SERPINA5: variants seen among roughly 807,000 people sequenced by gnomAD.
SERPINA5 encodes plasma serine protease inhibitor.
Under a neutral mutation model 25.3 loss-of-function variants are expected in SERPINA5, and 25 were observed. That is an observed-to-expected ratio of 0.99 (90% CI 0.72 to 1.38). The LOEUF (loss-of-function observed/expected upper bound fraction) is 1.38. Among genes scored for constraint, SERPINA5 ranks in the 40% most tolerant of loss-of-function variants. The probability of loss-of-function intolerance (pLI) is 0.00; values close to 1 mark genes in which losing one functional copy is unlikely to be tolerated. For missense variants in SERPINA5, 599 were observed against 509.5 expected (o/e 1.18, Z -1.69); for synonymous variants, 234 against 206.2 (o/e 1.14, Z -1.16).
intron 5 of SERPINA5, 91 bp downstream of exon 5, chr14:94,590,987 T>TTCCAC (rs1885259081): frequency 1.5e-6 from 2 of 1,322,750 alleles, no homozygotes; most frequent in Non-Finnish European, 2.1e-6. Flanking sequence ...TTCCATTCCA[T>TTCCAC]TCCACTCAAC....
chr14:94,587,358 C>T lies in SERPINA5; in HGVS notation c.-5C>T. On this transcript the variant is annotated 5_prime_UTR_variant, in exon 3 of 6. Transcript: ENST00000329597. ...CTTTCCCTTTCAGAACAAAGAACAG[C>T]CACCATGCAGCTCTTCCTCCTCTTG... is the stretch of plus-strand genomic sequence containing the variant. The T allele has an allele frequency of 3.8e-6, 6 of 1,596,732 alleles. No homozygotes were observed. Among genetic ancestry groups the T allele is most frequent in the Non-Finnish European group, 5.1e-6 (6 of 1,173,202 alleles).
At chr14:94,582,615 G>A (rs1333641866) in intron 2 of SERPINA5, among the ~76,000 whole-genome samples, 3 of 150,270 alleles carry the variant, frequency 2.0e-5, no homozygotes, top group Non-Finnish European at 4.5e-5. Flanking sequence ...TGTCCAGCTT[G>A]CAGTCTAATG....
At chr14:94,582,369 G>A (rs1367270416) in intron 2 of SERPINA5, 4 of 152,198 alleles carry the variant, frequency 2.6e-5, no homozygotes, top group African/African-American at 9.7e-5. Flanking sequence ...TGGTGCTGAC[G>A]GTGATGATAA....
At chr14:94,590,426 C>A in intron 4 of SERPINA5, 115 bp downstream of exon 4, 2 of 1,316,152 alleles carry the variant, frequency 1.5e-6, no homozygotes, top group Non-Finnish European at 2.0e-6. Context: ...CAAGGAGCTG[C>A]CTCCAGGCCC....
intron 2 of SERPINA5, chr14:94,586,884 T>C (rs967488507): frequency 6.4e-6 from 1 of 156,670 alleles, no homozygotes; most frequent in Non-Finnish European, 1.4e-5. Context: ...GGCATGTAGC[T>C]GGTCTGAGTT....
At chr14:94,589,644 A>G (rs1455744866) in intron 3 of SERPINA5, among the ~76,000 whole-genome samples, 2 of 152,176 alleles carry the variant, frequency 1.3e-5, no homozygotes, top group East Asian at 3.8e-4. Context: ...AAATCAAAAT[A>G]TTGGAATGAA....
chr14:94,587,199 T>A (rs1885117849), intron 2 of SERPINA5, 147 bp from the exon 3 acceptor site: 1 of 722,422 alleles, frequency 1.4e-6, no homozygotes, highest in Middle Eastern at 4.1e-4. Context: ...GTGTAAACCC[T>A]CATGCCCAGT....
At position 94,592,233 on chromosome 14, in the gene SERPINA5, C is replaced by A; in HGVS notation, c.1215C>A (p.Arg405=). Residue 405 remains arginine, a synonymous_variant, in exon 6 of 6, where the codon CGC becomes CGA. Transcript: ENST00000329597. ...NNILFLGKVN[R]P ...TCCTCTTCCTTGGCAAAGTGAACCGCCCCTGAGGTGGGGCTTCTCCTGAAA... is the reference window on the plus strand; with the variant it reads ...TCCTCTTCCTTGGCAAAGTGAACCGACCCTGAGGTGGGGCTTCTCCTGAAA... The A allele has an allele frequency of 6.2e-7, 1 of 1,611,846 alleles. No homozygotes were observed. Among genetic ancestry groups the A allele is most frequent in the South Asian group, 1.1e-5 (1 of 90,856 alleles).
intron 4 of SERPINA5, 26 bp from the exon 5 acceptor site, chr14:94,590,723 T>C (rs1885250007): frequency 1.9e-6 from 3 of 1,610,842 alleles, no homozygotes. Flanking sequence ...CAGAACAGTC[T>C]AAGAAAGCTC....
Position 94,588,738 on chromosome 14 carries a change from T to C in SERPINA5, c.619+757T>C, listed in dbSNP as rs74322073. On this transcript the variant is annotated intron_variant, in intron 3 of 5. Coordinates refer to ENST00000329597, the MANE Select transcript of SERPINA5 (RefSeq NM_000624.6). ...TGGCTTAGCAACAACAAACATATAT[T>C]TCTCATAGTTCTGGAGGCTGAGAAG... 1.9e-3 allele frequency among the ~76,000 whole-genome samples: 288 copies of C among 152,280 alleles called. 1 individual carries two copies. The highest frequency in any genetic ancestry group is 3.5e-3 in the Admixed American group (53 of 15,310).
At chr14:94,584,535 A>C (rs1404141901) in intron 2 of SERPINA5, among the ~76,000 whole-genome samples, 1 of 151,872 alleles carries the variant, frequency 6.6e-6, no homozygotes, top group Non-Finnish European at 1.5e-5. Context: ...TCCCCATCGG[A>C]TCTCTAGTGC....
rs529104917 is a variant in SERPINA5 at position 94,591,497 on chromosome 14, C to T, written c.1039-560C>T. Among the ~76,000 whole-genome samples, 4 of 151,478 alleles carry T rather than the reference C, an allele frequency of 2.6e-5. No individual in the cohort carries two copies. The South Asian group carries it at 8.4e-4, about 32-fold the overall frequency. ...TTCTATTCCACTCCTCTCCCCTCCACTCCATTCCATTGCAGTCCACTCCAC... is the reference window on the plus strand; with the variant it reads ...TTCTATTCCACTCCTCTCCCCTCCATTCCATTCCATTGCAGTCCACTCCAC... On this transcript the variant is annotated intron_variant, in intron 5 of 5. Transcript: ENST00000329597.
At chr14:94,590,508 C>A in intron 4 of SERPINA5, 197 bp downstream of exon 4, 2 of 845,542 alleles carry the variant, frequency 2.4e-6, no homozygotes, top group South Asian at 2.1e-5. Context: ...AAACTGGGTT[C>A]CTTAGGGTGG....
chr14:94,586,461 T>C (rs1394544267), intron 2 of SERPINA5, among the ~76,000 whole-genome samples: 1 of 152,208 alleles, frequency 6.6e-6, no homozygotes, highest in Non-Finnish European at 1.5e-5. Flanking sequence ...GTCTTCCCTC[T>C]GTGCATGTCT....
At chr14:94,583,015 G>A (rs1884962490) in intron 2 of SERPINA5, among the ~76,000 whole-genome samples, 1 of 152,178 alleles carries the variant, frequency 6.6e-6, no homozygotes, top group Non-Finnish European at 1.5e-5. Flanking sequence ...AGTTAGGACA[G>A]AACTTGCTGT....
chr14:94,588,295 T>A (rs1462790961), intron 3 of SERPINA5, among the ~76,000 whole-genome samples: 1 of 152,076 alleles, frequency 6.6e-6, no homozygotes, highest in Non-Finnish European at 1.5e-5. Flanking sequence ...GTGGCCACCA[T>A]GGCAAAGACA....
chr14:94,581,570 G>A (rs1167232294), intron 1 of SERPINA5, 45 bp from the exon 2 acceptor site: 1 of 152,222 alleles, frequency 6.6e-6, no homozygotes, highest in East Asian at 1.9e-4. Flanking sequence ...CTAGAGTTTT[G>A]GGGTTTGGGG....
In SERPINA5 at chr14:94,591,549, G is replaced by GTTCTGTTCTATTCTA. The variant is rs1276032029; in HGVS notation, c.1039-504_1039-503insGTTCTATTCTATTCT. Among the ~76,000 whole-genome samples the GTTCTGTTCTATTCTA allele has an allele frequency of 4.6e-4, 50 of 108,298 alleles. No homozygotes were observed. The East Asian group carries it at 9.0e-3, about 19-fold the overall frequency. The allele number at this position is 108,298 out of a possible 152,430, so 71.0% of individuals were successfully genotyped here. ...GCACTCCACTCCTTTATTCTGTTCT[G>GTTCTGTTCTATTCTA]TTCTATTCTATTCTATTCTATTCTA... On this transcript the variant is annotated intron_variant, in intron 5 of 5. Coordinates refer to ENST00000329597, the MANE Select transcript of SERPINA5 (RefSeq NM_000624.6).
chr14:94,589,842 C>A (rs367808132), intron 3 of SERPINA5, among the ~76,000 whole-genome samples, 199 bp from the exon 4 acceptor site: 15 of 152,062 alleles, frequency 9.9e-5, no homozygotes, highest in African/African-American at 3.4e-4. Flanking sequence ...AAAAGTCCCA[C>A]GAAAAGTCCA....
Sources: gnomAD v4.1 joint callset for allele counts (sites outside exome capture counted in the v4.1 genomes callset) on GRCh38, gnomAD v4.1.1 for gene constraint, MANE v1.5 for transcripts, NCBI Gene and HGNC (gene_info 2026-07-23, HGNC 2026-07-21) for gene names.